Variants in ZNF827 observed in about 807,000 individuals in gnomAD.
The protein encoded by ZNF827 is zinc finger protein 827.
Under a neutral mutation model 102.4 loss-of-function variants are expected in ZNF827, and 13 were observed. The ratio of observed to expected loss-of-function variants is 0.13; its 90% confidence interval spans 0.08 to 0.20. The LOEUF (loss-of-function observed/expected upper bound fraction) is 0.20. Ranked by LOEUF, ZNF827 falls within the 10% of genes least tolerant of loss-of-function variation. ZNF827 has a pLI of 1.00. For synonymous variants in ZNF827, 523 were observed against 536.2 expected (o/e 0.98, Z 0.34); for missense variants, 1,103 against 1,344.4 (o/e 0.82, Z 2.81).
chr4:145,789,389 A>G (rs1307684196), intron 8 of ZNF827, among the ~76,000 whole-genome samples: 1 of 152,248 alleles, frequency 6.6e-6, no homozygotes, highest in Non-Finnish European at 1.5e-5. Context: ...AGAGTTTGTT[A>G]AAAGTATATT....
intron 8 of ZNF827, among the ~76,000 whole-genome samples, chr4:145,816,104 A>C (rs938553442): frequency 1.2e-4 from 19 of 152,214 alleles, no homozygotes; most frequent in Admixed American, 6.5e-5. Flanking sequence ...TCCTGGGCTC[A>C]ACTGATCCTC....
chr4:145,864,152 T>C (rs1013523982), intron 5 of ZNF827, among the ~76,000 whole-genome samples: 1 of 151,694 alleles, frequency 6.6e-6, no homozygotes, highest in African/African-American at 2.4e-5. Context: ...CACAACAGGG[T>C]GAAACTCTGT....
At chr4:145,862,409 T>C (rs1747813864) in intron 5 of ZNF827, among the ~76,000 whole-genome samples, 1 of 152,244 alleles carries the variant, frequency 6.6e-6, no homozygotes, top group African/African-American at 2.4e-5. Context: ...ATCTGTTCCC[T>C]GTTTGTGTAA....
At position 145,885,955 on chromosome 4, in the gene ZNF827, C is replaced by A; in HGVS notation, c.1470G>T (p.Arg490Ser). 1.9e-6 allele frequency: 3 copies of A among 1,614,122 alleles called. No individual in the cohort carries two copies. The highest frequency in any genetic ancestry group is 2.5e-6 in the Non-Finnish European group (3 of 1,180,000). Residue 490 changes from arginine to serine, a missense_variant, in exon 4 of 15, where the codon AGG becomes AGT. This residue lies in a region of ZNF827 where 157 missense variants were observed against 211.7 expected (regional missense o/e 0.74). Transcript: ENST00000508784. ...CCACTAGCTCTGTCCCTCCTCCTTC[C>A]CTTTGCTGCCCCAGGCAGGCACTGT... ...LSDSACLGQQ[R>S]EGGGTELVGT... is the part of the protein sequence containing the mutation.
chr4:145,862,171 G>A (rs1313809458), intron 5 of ZNF827, among the ~76,000 whole-genome samples: 1 of 152,178 alleles, frequency 6.6e-6, no homozygotes, highest in African/African-American at 2.4e-5. Context: ...GGCCAGAGCG[G>A]GTGTAACAGC....
At chr4:145,828,391 G>A (rs1242325577) in intron 7 of ZNF827, among the ~76,000 whole-genome samples, 2 of 152,212 alleles carry the variant, frequency 1.3e-5, no homozygotes, top group Admixed American at 1.3e-4. Flanking sequence ...TGATAGAGGA[G>A]GAGGTGGAAA....
chr4:145,778,653 T>C (rs1287347576), intron 9 of ZNF827, among the ~76,000 whole-genome samples: 1 of 152,190 alleles, frequency 6.6e-6, no homozygotes, highest in Non-Finnish European at 1.5e-5. Context: ...TTATTAATAC[T>C]TCCTGTCTTG....
chr4:145,852,518 A>C (rs1422746116), intron 5 of ZNF827, among the ~76,000 whole-genome samples: 1 of 152,188 alleles, frequency 6.6e-6, no homozygotes, highest in Non-Finnish European at 1.5e-5. Flanking sequence ...GACAAGTGAA[A>C]CACTGGACAA....
intron 8 of ZNF827, among the ~76,000 whole-genome samples, chr4:145,786,413 C>T (rs1231266945): frequency 1.3e-5 from 2 of 152,302 alleles, no homozygotes; most frequent in South Asian, 2.1e-4. Flanking sequence ...GCATAAATAA[C>T]TGTTCAGATC....
intron 1 of ZNF827, among the ~76,000 whole-genome samples, chr4:145,936,152 A>C (rs1754149751): frequency 6.6e-6 from 1 of 151,522 alleles, no homozygotes; most frequent in Non-Finnish European, 1.5e-5. Flanking sequence ...TGACCCCCTC[A>C]GGATTCCTGC....
At chr4:145,781,439 G>T (rs1738044725) in intron 8 of ZNF827, among the ~76,000 whole-genome samples, 1 of 152,150 alleles carries the variant, frequency 6.6e-6, no homozygotes, top group Admixed American at 6.5e-5. Context: ...GGGAGGAGGG[G>T]AAATGATGGT....
In ZNF827 at chr4:145,761,480, C is replaced by T; in HGVS notation, c.*136G>A. Reference sequence around the variant, plus strand: ...TGCTCCCGGGTGTGCGTCTCCAGCTCCAGCTGGTTGGCCTTCACCGTCTGG... The same window carrying T: ...TGCTCCCGGGTGTGCGTCTCCAGCTTCAGCTGGTTGGCCTTCACCGTCTGG... On this transcript the variant is annotated 3_prime_UTR_variant, in exon 15 of 15. Coordinates refer to ENST00000508784, the MANE Select transcript of ZNF827 (RefSeq NM_001306215.2). The surrounding 1 kb of genome is among the most constrained non-coding windows in gnomAD (Gnocchi z 6.8). 1 of 1,289,850 alleles carries T rather than the reference C, an allele frequency of 7.8e-7. No individual in the cohort carries two copies. The highest frequency in any genetic ancestry group is 1.0e-6 in the Non-Finnish European group (1 of 988,862). The allele number at this position is 1,289,850 out of a possible 1,614,324, so 79.9% of individuals were successfully genotyped here.
intron 11 of ZNF827, among the ~76,000 whole-genome samples, chr4:145,770,437 A>G (rs1433155057): frequency 1.3e-5 from 2 of 151,936 alleles, no homozygotes; most frequent in South Asian, 2.1e-4. Flanking sequence ...TTGTGCCTCA[A>G]TTATCTCATC....
chr4:145,790,351 AAGAAC>A (rs1739497193), intron 8 of ZNF827, among the ~76,000 whole-genome samples: 1 of 152,150 alleles, frequency 6.6e-6, no homozygotes, highest in South Asian at 2.1e-4. Context: ...ACTAAATGAA[AAGAAC>A]AGATCACTAT....
chr4:145,770,362 C>T (rs1231489138), intron 11 of ZNF827, among the ~76,000 whole-genome samples: 1 of 150,988 alleles, frequency 6.6e-6, no homozygotes, highest in Non-Finnish European at 1.5e-5. Flanking sequence ...TAGATCAGAA[C>T]ATGTGAGTTT....
chr4:145,935,614 C>T (rs1253007439), intron 1 of ZNF827, among the ~76,000 whole-genome samples: 1 of 152,182 alleles, frequency 6.6e-6, no homozygotes, highest in East Asian at 1.9e-4. Context: ...AAGGTAATTG[C>T]TTCTTACTTC....
Position 145,902,809 on chromosome 4 carries a change from A to G in ZNF827, c.450T>C (p.Val150=), listed in dbSNP as rs773593654. 2.5e-6 allele frequency: 4 copies of G among 1,614,160 alleles called. No homozygotes were observed. In the East Asian group the frequency reaches 8.9e-5, roughly 36 times the overall value. The change falls in exon 2 of 15, where the codon GTT becomes GTC. Residue 150 remains valine (V), a synonymous_variant. Coordinates refer to ENST00000508784, the MANE Select transcript of ZNF827 (RefSeq NM_001306215.2). The surrounding 1 kb of genome is among the most constrained non-coding windows in gnomAD (Gnocchi z 4.3). Reference sequence around the variant, plus strand: ...GCGGGGAAAAGGAGAGGTTCGAGCCAACGTTTACGGGGGACTCCACTCTGC... The same window carrying G: ...GCGGGGAAAAGGAGAGGTTCGAGCCGACGTTTACGGGGGACTCCACTCTGC... ...ANGRVESPVN[V]GSNLSFSPPS... is the part of the protein sequence containing the mutation.
At chr4:145,823,351 A>T in intron 8 of ZNF827, 71 bp downstream of exon 8, 1 of 1,316,694 alleles carries the variant, frequency 7.6e-7, no homozygotes, top group South Asian at 1.2e-5. Flanking sequence ...AGTATCTGAA[A>T]ATTCACACAT....
At position 145,778,283 on chromosome 4, in the gene ZNF827, A is replaced by G. The variant is rs112594723; in HGVS notation, c.2521+1091T>C. Reference sequence around the variant, plus strand: ...TGAGTAGCTGGGATTACAAGCGTGCACCACCACATCCGTCTAATTTTTGTA... The same window carrying G: ...TGAGTAGCTGGGATTACAAGCGTGCGCCACCACATCCGTCTAATTTTTGTA... On this transcript the variant is annotated intron_variant, in intron 9 of 14. Coordinates refer to ENST00000508784, the MANE Select transcript of ZNF827 (RefSeq NM_001306215.2). Among the ~76,000 whole-genome samples the G allele has an allele frequency of 1.4e-3, 212 of 152,170 alleles. 1 individual carries two copies. Among genetic ancestry groups the G allele is most frequent in the African/African-American group, 4.8e-3 (200 of 41,494 alleles).
Sources: allele counts gnomAD v4.1 joint callset (sites outside exome capture counted in the v4.1 genomes callset), GRCh38; gene constraint gnomAD v4.1.1; regional missense constraint gnomAD v4.1.1; non-coding constraint Gnocchi (gnomAD v3.1); transcripts MANE v1.5; gene names NCBI Gene and HGNC (gene_info 2026-07-23, HGNC 2026-07-21).